The following RAB17 variants were observed in gnomAD, a reference collection of about 807,000 sequenced individuals.
The protein encoded by RAB17 is ras-related protein Rab-17.
RAB17 carries 15 observed loss-of-function variants against 19.3 expected under a neutral mutation model. The ratio of observed to expected loss-of-function variants is 0.78; its 90% CI spans 0.52 to 1.20. RAB17 has a LOEUF of 1.20. Ranked by LOEUF, RAB17 falls within the 50% of genes most tolerant of loss-of-function variation. RAB17 has a pLI of 0.00. For synonymous variants in RAB17, 110 were observed against 112.8 expected, an observed-to-expected ratio of 0.97 and a Z score of 0.16; for missense variants, 262 against 269.3, an observed-to-expected ratio of 0.97 and a Z score of 0.19.
In RAB17 at chr2:237,574,807, G is replaced by A; in HGVS notation, c.*212C>T. On this transcript the variant is annotated 3_prime_UTR_variant, in exon 6 of 6. Transcript: ENST00000264601. ...ATCAGATGGTATCAGTGGGGATAGG[G>A]CACAGCACTTTCCTGGGAGCCATGT... The A allele has an allele frequency of 1.1e-6, 1 of 912,350 alleles. No individual in the cohort carries two copies. Among genetic ancestry groups the A allele is most frequent in the Non-Finnish European group, 1.6e-6 (1 of 634,960 alleles). The allele number at this position is 912,350 out of a possible 1,614,324, so 56.5% of individuals were successfully genotyped here. A position where few individuals can be genotyped will look rare whatever the true frequency, so the allele number is the denominator to read the frequency against.
intron 1 of RAB17, among the ~76,000 whole-genome samples, chr2:237,589,474 T>G (rs567414250): frequency 6.6e-6 from 1 of 152,370 alleles, no homozygotes; most frequent in Non-Finnish European, 1.5e-5. Flanking sequence ...ATAACATTTC[T>G]ACAACTATCT....
rs1193516603 is a variant in RAB17, at chr2:237,574,585, A to C, written c.*434T>G. The C allele has an allele frequency of 6.5e-7, 1 of 1,547,626 alleles. No individual in the cohort carries two copies. The highest frequency in any genetic ancestry group is 8.7e-7 in the Non-Finnish European group (1 of 1,145,632). ...ATTTCTTCCTGGCACCACCACCTCC[A>C]TCTGGCCTGCTCCCCAACCCCCCAG... is the stretch of plus-strand genomic sequence containing the variant. On this transcript the variant is annotated 3_prime_UTR_variant, in exon 6 of 6. Coordinates refer to ENST00000264601, the MANE Select transcript of RAB17 (RefSeq NM_022449.4).
chr2:237,582,192 T>C (rs2081314350), intron 2 of RAB17, among the ~76,000 whole-genome samples: 1 of 152,256 alleles, frequency 6.6e-6, no homozygotes, highest in South Asian at 2.1e-4. Flanking sequence ...CATGTCCCTT[T>C]CTGGCTCTGC....
chr2:237,586,223 A>C, intron 1 of RAB17, 66 bp from the exon 2 acceptor site: 11 of 1,463,842 alleles, frequency 7.5e-6, no homozygotes, highest in South Asian at 7.3e-5. Flanking sequence ...AGCAAGCTCA[A>C]CCCCGGGGCT....
In RAB17 at chr2:237,574,859, C is replaced by T. The variant is rs575283911; in HGVS notation, c.*160G>A. The T allele has an allele frequency of 1.8e-4, 143 of 812,380 alleles. 1 individual carries two copies. The East Asian group carries it at 2.7e-3, about 15-fold the overall frequency. The allele number at this position is 812,380 out of a possible 1,614,324, so 50.3% of individuals were successfully genotyped here. On this transcript the variant is annotated 3_prime_UTR_variant, in exon 6 of 6. Coordinates refer to ENST00000264601, the MANE Select transcript of RAB17 (RefSeq NM_022449.4). ...ACGCCAGATCTTCCTCTGGCAGTTC[C>T]CACTGGCTGTGGGAAGTGGTTTTCA... is the stretch of plus-strand genomic sequence containing the variant.
intron 1 of RAB17, among the ~76,000 whole-genome samples, chr2:237,590,178 A>G (rs1209620197): frequency 1.3e-5 from 2 of 150,736 alleles, no homozygotes; most frequent in Non-Finnish European, 3.0e-5. Flanking sequence ...TTTTTTTTTC[A>G]AGACCTTAAA....
At chr2:237,587,501 T>C (rs2081359359) in intron 1 of RAB17, among the ~76,000 whole-genome samples, 2 of 152,212 alleles carry the variant, frequency 1.3e-5, no homozygotes, top group South Asian at 4.1e-4. Flanking sequence ...TAAGGAGCCA[T>C]GGCCACAGAC....
Position 237,575,468 on chromosome 2 carries a change from A to G in RAB17, c.448T>C (p.Phe150Leu). The G allele has an allele frequency of 1.2e-6, 2 of 1,610,160 alleles. No individual in the cohort carries two copies. Among genetic ancestry groups the G allele is most frequent in the Non-Finnish European group, 1.7e-6 (2 of 1,178,588 alleles). Residue 150 changes from phenylalanine to leucine, a missense_variant, in exon 5 of 6, where the codon TTT becomes CTT. Transcript: ENST00000264601. Reference protein sequence around the residue: ...REVTFQEGKEFADSQKLLFME... With the variant: ...REVTFQEGKELADSQKLLFME... ...AACAGCAACTTCTGGCTGTCGGCAA[A>G]CTCCTTCCCTTCCTGAAGGAAACAG...
chr2:237,582,257 T>C (rs576335047), intron 2 of RAB17, among the ~76,000 whole-genome samples: 1 of 152,316 alleles, frequency 6.6e-6, no homozygotes, highest in South Asian at 2.1e-4. Context: ...CCACCACCTG[T>C]GTCATGTCCT....
chr2:237,580,907 C>A (rs758620658), intron 2 of RAB17, among the ~76,000 whole-genome samples: 2 of 152,162 alleles, frequency 1.3e-5, no homozygotes, highest in Admixed American at 6.5e-5. Flanking sequence ...AGAACATAGA[C>A]CCTTCCCTTC....
At chr2:237,575,701 T>G (rs13414095) in intron 4 of RAB17, 173,687 of 511,628 alleles carry the variant, frequency 0.34, 36,645 homozygotes, top group African/African-American at 0.79. Context: ...GCTGGCGGGG[T>G]GCGGCCTTCC....
chr2:237,577,503 C>T, intron 3 of RAB17, 121 bp from the exon 4 acceptor site: 2 of 1,183,396 alleles, frequency 1.7e-6, no homozygotes, highest in Non-Finnish European at 1.2e-6. Flanking sequence ...TCCAACTGGC[C>T]ATGGGCGCAC....
rs758083213 is a variant in RAB17 at position 237,575,517 on chromosome 2, A to G, written c.436-37T>C. 12 of 1,513,312 alleles carry G rather than the reference A, an allele frequency of 7.9e-6. No homozygotes were observed. The African/African-American group carries it at 9.5e-5, about 12-fold the overall frequency. The allele number at this position is 1,513,312 out of a possible 1,614,324, so 93.7% of individuals were successfully genotyped here. On this transcript the variant is annotated intron_variant, in intron 4 of 5. Transcript: ENST00000264601. ...AGCCACAAAATCCAGCGCTGTTTAT[A>G]AGAGAGTTTCCTAAGGACACCTGGT... is the stretch of plus-strand genomic sequence containing the variant.
chr2:237,575,771 T>G (rs1022852245), intron 4 of RAB17: 5 of 425,830 alleles, frequency 1.2e-5, no homozygotes, highest in Admixed American at 7.5e-5. Context: ...CCATCATGCC[T>G]GTTGGCACCT....
intron 3 of RAB17, chr2:237,577,740 C>A: frequency 2.0e-6 from 1 of 489,444 alleles, no homozygotes; most frequent in Non-Finnish European, 3.6e-6. Flanking sequence ...GACTGGCCAC[C>A]ACCCCAAACC....
At position 237,574,659 on chromosome 2, in the gene RAB17, G is replaced by A. The variant is rs549132887; in HGVS notation, c.*360C>T. On this transcript the variant is annotated 3_prime_UTR_variant, in exon 6 of 6. Coordinates refer to ENST00000264601, the MANE Select transcript of RAB17 (RefSeq NM_022449.4). ...GCCAGTGCCCCCATCAAGATCAGAC[G>A]TAAGGCATCTTCCCACCGTCGCTGT... The A allele has an allele frequency of 5.2e-4, 768 of 1,469,580 alleles. No homozygotes were observed. Among genetic ancestry groups the A allele is most frequent in the Admixed American group, 7.6e-4 (30 of 39,300 alleles). The allele number at this position is 1,469,580 out of a possible 1,614,324, so 91.0% of individuals were successfully genotyped here.
chr2:237,576,146 C>T (rs566817313), intron 4 of RAB17, among the ~76,000 whole-genome samples: 1 of 152,278 alleles, frequency 6.6e-6, no homozygotes, highest in East Asian at 1.9e-4. Context: ...TCCAGCCAGA[C>T]ATGGAGCTGG....
Position 237,575,452 on chromosome 2 carries a change from T to C in RAB17, c.464A>G (p.Lys155Arg), listed in dbSNP as rs2081254187. The C allele has an allele frequency of 6.2e-7, 1 of 1,612,138 alleles. No homozygotes were observed. The change falls in exon 5 of 6, where the codon AAG (lysine) becomes AGG (arginine). Residue 155 changes from lysine to arginine, a missense_variant. Transcript: ENST00000264601. ...GGCCGAAGTTTCCATGAACAGCAAC[T>C]TCTGGCTGTCGGCAAACTCCTTCCC... ...QEGKEFADSQ[K>R]LLFMETSAKL...
intron 1 of RAB17, among the ~76,000 whole-genome samples, chr2:237,586,586 G>A (rs1035297984): frequency 3.3e-5 from 5 of 152,080 alleles, no homozygotes; most frequent in Middle Eastern, 3.4e-3. Flanking sequence ...GATTAAAGTT[G>A]GTGTTTCAGA....
Sources: allele counts gnomAD v4.1 joint callset (sites outside exome capture counted in the v4.1 genomes callset), GRCh38; gene constraint gnomAD v4.1.1; transcripts MANE v1.5; gene names NCBI Gene and HGNC (gene_info 2026-07-23, HGNC 2026-07-21).